Variants in PRDM15 observed in about 807,000 individuals in gnomAD.
The protein encoded by PRDM15 is PR domain zinc finger protein 15.
Under a neutral mutation model 128.6 loss-of-function variants are expected in PRDM15, and 64 were observed. The ratio of observed to expected loss-of-function variants is 0.50; its 90% CI spans 0.41 to 0.61. The LOEUF (loss-of-function observed/expected upper bound fraction) is 0.61. Ranked by LOEUF, PRDM15 falls within the 20% of genes least tolerant of loss-of-function variation. PRDM15 has a pLI of 0.00. For missense variants in PRDM15, 1,242 were observed against 1,569.1 expected, an observed-to-expected ratio of 0.79 and a Z score of 3.52; for synonymous variants, 615 against 621.8, an observed-to-expected ratio of 0.99 and a Z score of 0.16.
intron 1 of PRDM15, among the ~76,000 whole-genome samples, chr21:41,861,010 G>A (rs776763603): frequency 2.5e-4 from 38 of 151,826 alleles, no homozygotes; most frequent in African/African-American, 8.5e-4. Context: ...TTGCTCTGTC[G>A]CCCAGGCTGG....
intron 1 of PRDM15, among the ~76,000 whole-genome samples, chr21:41,878,516 C>T (rs1019962188): frequency 5.9e-5 from 9 of 152,176 alleles, no homozygotes; most frequent in Non-Finnish European, 1.0e-4. Context: ...GCGCGTGGCC[C>T]CCGTCCCCAC....
Position 41,828,081 on chromosome 21 carries a change from GC to G in PRDM15, c.1534+84del. The G allele has an allele frequency of 7.0e-7, 1 of 1,436,654 alleles. No homozygotes were observed. The highest frequency in any genetic ancestry group is 1.2e-5 in the South Asian group (1 of 86,674). 89.0% of individuals were successfully genotyped at this position (1,436,654 alleles called of 1,614,324 possible). ...GGCGGCACCGAACTGCTCCCCAAAG[GC>G]CCTGCTGACTGCTCCATGCCGCCCT... On this transcript the variant is annotated intron_variant, in intron 12 of 23. Coordinates refer to ENST00000398548, the MANE Select transcript of PRDM15 (RefSeq NM_001040424.3). This position sits in a 1 kb window ranked among gnomAD's most constrained non-coding sequence, Gnocchi z 5.7.
chr21:41,800,993 C>T lies in PRDM15; in HGVS notation c.*247G>A. On this transcript the variant is annotated 3_prime_UTR_variant, in exon 24 of 24. Transcript: ENST00000398548. ...AGATGCGGCCCCGGCCCAGGACTTA[C>T]TGCCTTGGTAAGGCATGGTGTGGAG... 2.3e-6 allele frequency: 1 copy of T among 442,872 alleles called. No individual in the cohort carries two copies. The highest frequency in any genetic ancestry group is 3.9e-6 in the Non-Finnish European group (1 of 256,760). The allele number at this position is 442,872 out of a possible 1,614,324, so 27.4% of individuals were successfully genotyped here. A position where few individuals can be genotyped will look rare whatever the true frequency, so the allele number is the denominator to read the frequency against.
intron 6 of PRDM15, among the ~76,000 whole-genome samples, chr21:41,845,532 G>A (rs1406238111): frequency 6.6e-6 from 1 of 151,828 alleles, no homozygotes; most frequent in Admixed American, 6.6e-5. Context: ...CAGAGGCCGG[G>A]CTGCCCGAGT....
chr21:41,848,217 G>GA (rs1233712717), intron 5 of PRDM15, among the ~76,000 whole-genome samples: 1 of 152,176 alleles, frequency 6.6e-6, no homozygotes, highest in Non-Finnish European at 1.5e-5. Context: ...TTCAGCACTA[G>GA]AAAAAAACAT....
rs73219090 is a variant in PRDM15 at position 41,862,200 on chromosome 21, C to A, written c.-9-1828G>T. Among the ~76,000 whole-genome samples the A allele has an allele frequency of 0.079, 11,962 of 152,222 alleles. 604 individuals carry two copies. Among genetic ancestry groups the A allele is most frequent in the East Asian group, 0.22 (1,132 of 5,150 alleles). ...GTGCCCCCTGCAGGAACCCACGTGA[C>A]TCACGGTCAGGAGCTTGGGCGATGG... On this transcript the variant is annotated intron_variant, in intron 1 of 23. Coordinates refer to ENST00000398548, the MANE Select transcript of PRDM15 (RefSeq NM_001040424.3). This position sits in a 1 kb window ranked among gnomAD's most constrained non-coding sequence, Gnocchi z 4.1.
chr21:41,861,627 A>G (rs931441835), intron 1 of PRDM15: 2 of 1,613,848 alleles, frequency 1.2e-6, no homozygotes, highest in Non-Finnish European at 8.5e-7. Flanking sequence ...GAAAGTGTGC[A>G]TGCTGGCACT....
intron 7 of PRDM15, 32 bp downstream of exon 7, chr21:41,839,591 G>A (rs766252226): frequency 1.1e-5 from 17 of 1,507,470 alleles, no homozygotes; most frequent in Admixed American, 7.0e-5. Context: ...TGCGCCCCAC[G>A]CAGGCACTCA....
chr21:41,815,932 C>G (rs1458010506), intron 18 of PRDM15, 96 bp from the exon 19 acceptor site: 3 of 1,495,710 alleles, frequency 2.0e-6, no homozygotes, highest in Non-Finnish European at 2.7e-6. Context: ...GGCAGCGGCC[C>G]GTGCGGTACT....
At chr21:41,844,232 C>A (rs2063160184) in intron 6 of PRDM15, among the ~76,000 whole-genome samples, 1 of 152,188 alleles carries the variant, frequency 6.6e-6, no homozygotes, top group African/African-American at 2.4e-5. Flanking sequence ...TCTCTGAAGG[C>A]TTGTGCAGAA....
intron 23 of PRDM15, among the ~76,000 whole-genome samples, chr21:41,802,104 G>A (rs1334350616): frequency 6.6e-6 from 1 of 152,160 alleles, no homozygotes; most frequent in African/African-American, 2.4e-5. Context: ...AGTACCAATC[G>A]CTAATAAGAG....
chr21:41,876,376 G>A (rs991320972), intron 1 of PRDM15, among the ~76,000 whole-genome samples: 1 of 152,176 alleles, frequency 6.6e-6, no homozygotes, highest in Non-Finnish European at 1.5e-5. Flanking sequence ...AAGGAGACGG[G>A]AGCAGAAGGG....
rs1445010149 is a variant in PRDM15, at chr21:41,815,691, G to A, written c.2392+14C>T. The A allele has an allele frequency of 6.2e-7, 1 of 1,611,932 alleles. No individual in the cohort carries two copies. Among genetic ancestry groups the A allele is most frequent in the Non-Finnish European group, 8.5e-7 (1 of 1,179,780 alleles). On this transcript the variant is annotated intron_variant, in intron 19 of 23. Transcript: ENST00000398548. ...TGAGCGCCGTGGCTGGCGCGGCCCG[G>A]GCCTCGGACTCACCCGTGTGCCGCT...
Position 41,862,514 on chromosome 21 carries a change from G to A in PRDM15, c.-9-2142C>T, listed in dbSNP as rs1389600843. Among the ~76,000 whole-genome samples the A allele has an allele frequency of 1.3e-5, 2 of 152,152 alleles. No individual in the cohort carries two copies. Among genetic ancestry groups the A allele is most frequent in the Non-Finnish European group, 2.9e-5 (2 of 68,030 alleles). The stretch of plus-strand genomic sequence containing the variant: ...GAGAGGAAACCCAGAAGAGAGGGGC[G>A]AGGGAAGCTGGAGAGCAGGGTTTTA... On this transcript the variant is annotated intron_variant, in intron 1 of 23. Coordinates refer to ENST00000398548, the MANE Select transcript of PRDM15 (RefSeq NM_001040424.3). The surrounding 1 kb of genome is among the most constrained non-coding windows in gnomAD (Gnocchi z 4.1).
chr21:41,861,507 G>T, intron 1 of PRDM15: 1 of 1,439,414 alleles, frequency 6.9e-7, no homozygotes. Flanking sequence ...CACACAGTAT[G>T]TGCCACCAAA....
intron 22 of PRDM15, among the ~76,000 whole-genome samples, chr21:41,803,496 C>T (rs370971074): frequency 2.6e-5 from 4 of 152,206 alleles, no homozygotes; most frequent in African/African-American, 7.2e-5. Flanking sequence ...TCACCAGGCT[C>T]GCTCAGGCTC....
chr21:41,851,238 C>G (rs2063419077), intron 5 of PRDM15, among the ~76,000 whole-genome samples: 1 of 152,242 alleles, frequency 6.6e-6, no homozygotes, highest in Non-Finnish European at 1.5e-5. Flanking sequence ...CCCTAGAACT[C>G]CAGTCCTTCA....
At chr21:41,818,536 T>C (rs747860749) in intron 18 of PRDM15, among the ~76,000 whole-genome samples, 2 of 151,982 alleles carry the variant, frequency 1.3e-5, no homozygotes, top group African/African-American at 4.8e-5. Context: ...GCCTCTGAGG[T>C]GAGGAACAGA....
intron 11 of PRDM15, among the ~76,000 whole-genome samples, chr21:41,829,711 C>G (rs2062615662): frequency 6.6e-6 from 1 of 151,332 alleles, no homozygotes; most frequent in Admixed American, 6.6e-5. Context: ...GTACTCATAC[C>G]ACACACACGA....
Sources: gnomAD v4.1 joint callset for allele counts (sites outside exome capture counted in the v4.1 genomes callset) on GRCh38, gnomAD v4.1.1 for gene constraint, Gnocchi (gnomAD v3.1) non-coding constraint, MANE v1.5 for transcripts, NCBI Gene and HGNC (gene_info 2026-07-23, HGNC 2026-07-21) for gene names.